SPIDR: variants seen among roughly 807,000 people sequenced by gnomAD.
SPIDR encodes the protein scaffold protein involved in DNA repair.
SPIDR carries 93 observed loss-of-function variants against 104.6 expected under a neutral mutation model. The observed-to-expected ratio is 0.89, with a 90% CI of 0.75 to 1.06. SPIDR has a LOEUF of 1.06. Ranked by LOEUF, SPIDR falls within the 50% of genes least tolerant of loss-of-function variation. SPIDR has a pLI of 0.00. For missense variants in SPIDR, 1,154 were observed against 1,111.2 expected (o/e 1.04, Z -0.55); for synonymous variants, 431 against 416.9 (o/e 1.03, Z -0.41).
rs1217459079 is a variant in SPIDR at position 47,728,961 on chromosome 8, C to T, written c.2464C>T (p.Arg822Trp). Residue 822 changes from arginine (R) to tryptophan (W), a missense_variant, in exon 18 of 20, where the codon CGG (arginine) becomes TGG (tryptophan). Arg to Trp is a moderately radical substitution (Grantham distance 101). Coordinates refer to ENST00000297423, the MANE Select transcript of SPIDR (RefSeq NM_001080394.4). ...CGCCTTTTCCTGTGGGGACTGCTCC[C>T]GGGTGGTCACATCTCCTGTTCTCAA... ...RGAFSCGDCSRVVTSPVLKRH... is the reference protein window; with the variant it reads ...RGAFSCGDCSWVVTSPVLKRH... 5 of 1,613,716 alleles carry T rather than the reference C, an allele frequency of 3.1e-6. No individual in the cohort carries two copies. The highest frequency in any genetic ancestry group is 2.2e-5 in the East Asian group (1 of 44,888).
intron 8 of SPIDR, among the ~76,000 whole-genome samples, chr8:47,531,418 A>T (rs1046668294): frequency 8.5e-5 from 13 of 152,156 alleles, no homozygotes; most frequent in African/African-American, 2.4e-4. Context: ...CTTCTTGAGG[A>T]GATGTCATTC....
chr8:47,440,523 GTC>G lies in SPIDR; in HGVS notation c.1079_1080del (p.Val360AlafsTer26). The part of the protein sequence containing the change: ...GYLRGRPQDT[V>X]RIFPPWQKLI... ...CCTCAGGGGCCGTCCCCAGGACACT[GTC>G]CGGATCTTCCCTCCCTGGTGAGTGC... On this transcript the variant is annotated frameshift_variant, in exon 8 of 20. Transcript: ENST00000297423. LOFTEE classifies it high-confidence loss of function. 1 of 1,614,030 alleles carries G rather than the reference GTC, an allele frequency of 6.2e-7. No homozygotes were observed. Among genetic ancestry groups the G allele is most frequent in the African/African-American group, 1.3e-5 (1 of 75,058 alleles).
intron 5 of SPIDR, among the ~76,000 whole-genome samples, chr8:47,309,280 G>T (rs1333924655): frequency 6.6e-6 from 1 of 152,096 alleles, no homozygotes; most frequent in Non-Finnish European, 1.5e-5. Context: ...ATATTCCAGT[G>T]TGTTCTTATG....
intron 5 of SPIDR, among the ~76,000 whole-genome samples, chr8:47,340,057 T>C (rs2050451916): frequency 6.6e-6 from 1 of 152,134 alleles, no homozygotes; most frequent in Non-Finnish European, 1.5e-5. Context: ...ATTATAGATG[T>C]AGTATAATTT....
Position 47,524,935 on chromosome 8 carries a change from T to A in SPIDR, c.1098-70876T>A, listed in dbSNP as rs547977237. Among the ~76,000 whole-genome samples the A allele has an allele frequency of 1.2e-4, 18 of 152,230 alleles. No individual in the cohort carries two copies. In the South Asian group the frequency reaches 3.5e-3, roughly 30 times the overall value. On this transcript the variant is annotated intron_variant, in intron 8 of 19. Coordinates refer to ENST00000297423, the MANE Select transcript of SPIDR (RefSeq NM_001080394.4). Reference sequence around the variant, plus strand: ...AGTAAAATGTAGTTTTTAGGGGAGATCTTTTACAGAAGGAAGCTTTTATTT... The same window carrying A: ...AGTAAAATGTAGTTTTTAGGGGAGAACTTTTACAGAAGGAAGCTTTTATTT...
chr8:47,360,945 G>T, intron 5 of SPIDR: 1 of 985,216 alleles, frequency 1.0e-6, no homozygotes, highest in Non-Finnish European at 1.2e-6. Context: ...CTTCTGGAGT[G>T]TATGGTGAGC....
intron 8 of SPIDR, among the ~76,000 whole-genome samples, chr8:47,543,121 G>A (rs775672917): frequency 6.6e-6 from 1 of 152,142 alleles, no homozygotes; most frequent in Non-Finnish European, 1.5e-5. Context: ...AATAGTGCTG[G>A]TATGAACATT....
chr8:47,704,390 T>G (rs1219875753), intron 14 of SPIDR, among the ~76,000 whole-genome samples: 1 of 152,246 alleles, frequency 6.6e-6, no homozygotes, highest in Non-Finnish European at 1.5e-5. Context: ...CCTGGTTATC[T>G]GCTGTCTCTG....
intron 5 of SPIDR, among the ~76,000 whole-genome samples, chr8:47,326,186 A>T (rs1554600259): frequency 6.6e-6 from 1 of 151,606 alleles, no homozygotes; most frequent in African/African-American, 2.4e-5. Flanking sequence ...TATTTATTTT[A>T]TTTTTTTCTA....
intron 14 of SPIDR, among the ~76,000 whole-genome samples, chr8:47,707,684 C>T (rs891821916): frequency 5.9e-5 from 9 of 152,174 alleles, no homozygotes; most frequent in Non-Finnish European, 1.3e-4. Flanking sequence ...AGTCATAGGT[C>T]CCAAAGTTAT....
chr8:47,435,756 A>C (rs1554691669), intron 7 of SPIDR, among the ~76,000 whole-genome samples: 1 of 152,238 alleles, frequency 6.6e-6, no homozygotes. Flanking sequence ...AACCTGAAAC[A>C]TTGTCTGTCT....
chr8:47,649,939 G>C (rs1388362369), intron 10 of SPIDR, among the ~76,000 whole-genome samples: 2 of 152,122 alleles, frequency 1.3e-5, no homozygotes, highest in African/African-American at 4.8e-5. Context: ...CCACAAACCT[G>C]GCATAGAAGG....
intron 5 of SPIDR, among the ~76,000 whole-genome samples, chr8:47,390,549 A>T (rs1737907213): frequency 6.6e-6 from 1 of 151,888 alleles, no homozygotes; most frequent in Non-Finnish European, 1.5e-5. Context: ...TAAGGAGAAC[A>T]GGCATAGAAA....
intron 5 of SPIDR, among the ~76,000 whole-genome samples, chr8:47,362,737 C>T (rs1167296629): frequency 6.6e-6 from 1 of 151,972 alleles, no homozygotes; most frequent in Non-Finnish European, 1.5e-5. Flanking sequence ...ACTGCAACCT[C>T]CACCTCCCAG....
At chr8:47,285,546 A>G (rs2038673374) in intron 3 of SPIDR, among the ~76,000 whole-genome samples, 1 of 152,170 alleles carries the variant, frequency 6.6e-6, no homozygotes, top group Admixed American at 6.5e-5. Context: ...TGTTAATAGG[A>G]TGTCTTAAAC....
intron 14 of SPIDR, among the ~76,000 whole-genome samples, chr8:47,705,866 A>C (rs902841739): frequency 6.6e-6 from 1 of 151,024 alleles, no homozygotes; most frequent in African/African-American, 2.4e-5. Flanking sequence ...GCACCACTCC[A>C]CTCCAGCCTG....
At chr8:47,718,389 T>G (rs1258964010) in intron 16 of SPIDR, among the ~76,000 whole-genome samples, 1 of 152,210 alleles carries the variant, frequency 6.6e-6, no homozygotes, top group Non-Finnish European at 1.5e-5. Flanking sequence ...TTTTTTTCTG[T>G]GCCCTCATTT....
intron 10 of SPIDR, among the ~76,000 whole-genome samples, chr8:47,623,919 TCAA>T (rs946782945): frequency 2.0e-5 from 3 of 152,174 alleles, no homozygotes; most frequent in African/African-American, 7.2e-5. Flanking sequence ...CCATCCCAAA[TCAA>T]CAGAATATAC....
intron 8 of SPIDR, among the ~76,000 whole-genome samples, chr8:47,464,272 G>A (rs1489487272): frequency 1.3e-5 from 2 of 152,006 alleles, no homozygotes; most frequent in African/African-American, 2.4e-5. Context: ...AAACAGTATC[G>A]ACTACAATAG....
Sources: gnomAD v4.1 joint callset for allele counts (sites outside exome capture counted in the v4.1 genomes callset) on GRCh38, gnomAD v4.1.1 for gene constraint, MANE v1.5 for transcripts, NCBI Gene and HGNC (gene_info 2026-07-23, HGNC 2026-07-21) for gene names.